Variants in ZKSCAN3 observed in about 807,000 individuals in gnomAD.
ZKSCAN3 encodes the protein zinc finger protein with KRAB and SCAN domains 3.
ZKSCAN3 carries 21 observed loss-of-function variants against 30.7 expected under a neutral mutation model. The ratio of observed to expected loss-of-function variants is 0.68; its 90% CI spans 0.49 to 0.99. The LOEUF is 0.99. ZKSCAN3 is among the 50% of genes least tolerant of loss of function. The pLI is 0.00. For synonymous variants in ZKSCAN3, 201 were observed against 246.7 expected, an observed-to-expected ratio of 0.81 and a Z score of 1.73; for missense variants, 507 against 647.1, an observed-to-expected ratio of 0.78 and a Z score of 2.35.
At chr6:28,352,699 T>A (rs770229835) in intron 1 of ZKSCAN3, among the ~76,000 whole-genome samples, 9 of 152,254 alleles carry the variant, frequency 5.9e-5, no homozygotes, top group Non-Finnish European at 1.3e-4. Flanking sequence ...AGATTAGATT[T>A]AGGCTCACTT....
chr6:28,351,144 T>A lies in ZKSCAN3; in HGVS notation c.-63+1077T>A, dbSNP rs984114958. Among the ~76,000 whole-genome samples, 1 of 152,234 alleles carries A rather than the reference T, an allele frequency of 6.6e-6. No individual in the cohort carries two copies. Among genetic ancestry groups the A allele is most frequent in the African/African-American group, 2.4e-5 (1 of 41,462 alleles). ...GAAACTTTCCTTTCCTTATCTTCAG[T>A]ATATTTACTGATTTGATAAATACTT... is the stretch of plus-strand genomic sequence containing the variant. On this transcript the variant is annotated intron_variant, in intron 1 of 5. Transcript: ENST00000252211. The surrounding 1 kb of genome is among the most constrained non-coding windows in gnomAD (Gnocchi z 4.6).
Position 28,359,864 on chromosome 6 carries a change from A to G in ZKSCAN3, c.278A>G (p.Gln93Arg). 6.2e-7 allele frequency: 1 copy of G among 1,614,076 alleles called. No homozygotes were observed. Among genetic ancestry groups the G allele is most frequent in the Non-Finnish European group, 8.5e-7 (1 of 1,179,972 alleles). Residue 93 changes from glutamine to arginine, a missense_variant, in exon 2 of 6, where the codon CAG becomes CGG. Coordinates refer to ENST00000252211, the MANE Select transcript of ZKSCAN3 (RefSeq NM_024493.4). ...EQILELLVLEQFLTILPGNLQ... is the reference protein window; with the variant it reads ...EQILELLVLERFLTILPGNLQ... ...ATCCTGGAGCTGCTGGTGCTGGAGC[A>G]GTTCCTGACCATCCTGCCGGGGAAT...
intron 3 of ZKSCAN3, among the ~76,000 whole-genome samples, chr6:28,362,623 C>T (rs1234272661): frequency 1.3e-5 from 2 of 152,098 alleles, no homozygotes; most frequent in East Asian, 3.9e-4. Flanking sequence ...AATATATATG[C>T]TTCCTGAAGT....
rs1221242588 is a variant in ZKSCAN3, at chr6:28,351,588, T to C, written c.-63+1521T>C. Among the ~76,000 whole-genome samples, 1 of 151,934 alleles carries C rather than the reference T, an allele frequency of 6.6e-6. No homozygotes were observed. The highest frequency in any genetic ancestry group is 1.9e-4 in the East Asian group (1 of 5,192). On this transcript the variant is annotated intron_variant, in intron 1 of 5. Coordinates refer to ENST00000252211, the MANE Select transcript of ZKSCAN3 (RefSeq NM_024493.4). This position sits in a 1 kb window ranked among gnomAD's most constrained non-coding sequence, Gnocchi z 4.6. ...ATCATCTTTTGGTCATTTTCTTTCA[T>C]TCTTCTTTTCCCTCCTTTCCACTCT...
chr6:28,359,485 T>C, intron 1 of ZKSCAN3, 40 bp from the exon 2 acceptor site: 1 of 1,458,944 alleles, frequency 6.9e-7, no homozygotes, highest in Non-Finnish European at 9.2e-7. Context: ...AAGGGACTAC[T>C]TGCAAGTTTA....
chr6:28,357,502 G>A (rs1765508017), intron 1 of ZKSCAN3, among the ~76,000 whole-genome samples: 1 of 152,222 alleles, frequency 6.6e-6, no homozygotes, highest in Non-Finnish European at 1.5e-5. Flanking sequence ...AAGGACAAGT[G>A]AGTTTTTGGA....
At chr6:28,363,141 G>A (rs959101726) in intron 3 of ZKSCAN3, among the ~76,000 whole-genome samples, 162 bp from the exon 4 acceptor site, 2 of 152,236 alleles carry the variant, frequency 1.3e-5, no homozygotes, top group African/African-American at 4.8e-5. Flanking sequence ...TGTTGCCCAG[G>A]CTGGAGTGCA....
chr6:28,352,253 C>T (rs1765084029), intron 1 of ZKSCAN3, among the ~76,000 whole-genome samples: 1 of 152,130 alleles, frequency 6.6e-6, no homozygotes. Context: ...ATCAGAATGA[C>T]CTAGAAAGTT....
chr6:28,366,400 C>A lies in ZKSCAN3; in HGVS notation c.*115C>A. 1.7e-6 allele frequency: 2 copies of A among 1,178,348 alleles called. No individual in the cohort carries two copies. Among genetic ancestry groups the A allele is most frequent in the Non-Finnish European group, 2.3e-6 (2 of 873,604 alleles). 73.0% of individuals were successfully genotyped at this position (1,178,348 alleles called of 1,614,324 possible). On this transcript the variant is annotated 3_prime_UTR_variant, in exon 6 of 6. Coordinates refer to ENST00000252211, the MANE Select transcript of ZKSCAN3 (RefSeq NM_024493.4). ...GGCTTTATTTACCACTACACATTAT[C>A]AGGTGTTAGAAAATGTAGACTGGGT...
At chr6:28,353,378 C>T (rs568734063) in intron 1 of ZKSCAN3, 2 of 154,942 alleles carry the variant, frequency 1.3e-5, no homozygotes, top group East Asian at 1.9e-4. Flanking sequence ...AAATCTAGTC[C>T]CAGCTGGTTC....
At chr6:28,360,073 A>G in intron 2 of ZKSCAN3, 85 bp downstream of exon 2, 3 of 1,606,966 alleles carry the variant, frequency 1.9e-6, no homozygotes, top group Non-Finnish European at 2.6e-6. Context: ...TTCCTTTAAC[A>G]TCCAGGAGTT....
At position 28,359,788 on chromosome 6, in the gene ZKSCAN3, C is replaced by G. The variant is rs1341430212; in HGVS notation, c.202C>G (p.Arg68Gly). The change falls in exon 2 of 6, where the codon CGA becomes GGA. Residue 68 changes from arginine to glycine, a missense_variant. Arg to Gly is a moderately radical substitution (Grantham distance 125). Coordinates refer to ENST00000252211, the MANE Select transcript of ZKSCAN3 (RefSeq NM_024493.4). ...AGPREALSRLRELCRQWLQPE... is the reference protein window; with the variant it reads ...AGPREALSRLGELCRQWLQPE... ...CCCCCGCGAGGCGCTGAGTCGGCTC[C>G]GAGAGCTCTGCCGACAGTGGCTGCA... is the stretch of plus-strand genomic sequence containing the variant. 2 of 1,614,090 alleles carry G rather than the reference C, an allele frequency of 1.2e-6. No individual in the cohort carries two copies. The highest frequency in any genetic ancestry group is 2.7e-5 in the African/African-American group (2 of 74,930).
intron 1 of ZKSCAN3, among the ~76,000 whole-genome samples, chr6:28,355,095 G>A (rs936360989): frequency 7.9e-5 from 12 of 152,184 alleles, no homozygotes; most frequent in East Asian, 3.9e-4. Flanking sequence ...TTGGGAATGC[G>A]GGAATGCCCT....
chr6:28,357,904 C>G (rs1765532658), intron 1 of ZKSCAN3, among the ~76,000 whole-genome samples: 2 of 152,154 alleles, frequency 1.3e-5, no homozygotes, highest in African/African-American at 4.8e-5. Flanking sequence ...GAATGTTATG[C>G]CAGTTTTTTG....
chr6:28,361,450 T>A lies in ZKSCAN3; in HGVS notation c.529T>A (p.Ser177Thr), dbSNP rs1397471498. The A allele has an allele frequency of 6.2e-7, 1 of 1,611,934 alleles. No homozygotes were observed. The highest frequency in any genetic ancestry group is 8.5e-7 in the Non-Finnish European group (1 of 1,179,408). The part of the protein sequence containing the change: ...KALLKHESVG[S>T]QPLQDRVLQV... ...TCTGCTCAAGCATGAATCTGTGGGA[T>A]CCCAGCCTTTACAAGATAGAGGTAA... Residue 177 changes from serine (S) to threonine (T), a missense_variant, in exon 3 of 6, where the codon TCC (serine) becomes ACC (threonine). Physicochemically the swap from Ser to Thr is moderately conservative, Grantham distance 58. Transcript: ENST00000252211.
At position 28,360,042 on chromosome 6, in the gene ZKSCAN3, C is replaced by T. The variant is rs770585993; in HGVS notation, c.402+54C>T. ...GCTGTGGCCTGTTTCCTCCTGAAAT[C>T]CCAGATCAGAGTGAGGGGCATTCCT... On this transcript the variant is annotated intron_variant, in intron 2 of 5. Coordinates refer to ENST00000252211, the MANE Select transcript of ZKSCAN3 (RefSeq NM_024493.4). The T allele has an allele frequency of 9.9e-6, 16 of 1,613,772 alleles. No individual in the cohort carries two copies. In the South Asian group the frequency reaches 1.8e-4, roughly 18 times the overall value.
In ZKSCAN3 at chr6:28,366,364, AT is replaced by A; in HGVS notation, c.*81del. 1 of 1,429,698 alleles carries A rather than the reference AT, an allele frequency of 7.0e-7. No homozygotes were observed. The highest frequency in any genetic ancestry group is 9.2e-7 in the Non-Finnish European group (1 of 1,085,128). 88.6% of individuals were successfully genotyped at this position (1,429,698 alleles called of 1,614,324 possible). A position where few individuals can be genotyped will look rare whatever the true frequency, so the allele number is the denominator to read the frequency against. On this transcript the variant is annotated 3_prime_UTR_variant, in exon 6 of 6. Transcript: ENST00000252211. The stretch of plus-strand genomic sequence containing the variant: ...TCCCCCTGGAGTCTCAACTATAGAA[AT>A]TGTGGGCTGGGCTTTATTTACCACT...
chr6:28,355,197 A>G (rs1401713334), intron 1 of ZKSCAN3: 1 of 152,044 alleles, frequency 6.6e-6, no homozygotes, highest in Non-Finnish European at 1.5e-5. Flanking sequence ...ACTTCCTGTA[A>G]TTGTGCTTCT....
In ZKSCAN3 at chr6:28,353,512, T is replaced by A. The variant is rs1449217343; in HGVS notation, c.-63+3445T>A. On this transcript the variant is annotated intron_variant, in intron 1 of 5. Coordinates refer to ENST00000252211, the MANE Select transcript of ZKSCAN3 (RefSeq NM_024493.4). ...AATACAGAAATCATCCATTACAAAGTGATGACTCTGACGAAACCTGATGGC... is the reference window on the plus strand; with the variant it reads ...AATACAGAAATCATCCATTACAAAGAGATGACTCTGACGAAACCTGATGGC... 1.7e-5 allele frequency: 3 copies of A among 181,434 alleles called. No individual in the cohort carries two copies. In the East Asian group the frequency reaches 4.2e-4, roughly 25 times the overall value. 11.2% of individuals were successfully genotyped at this position (181,434 alleles called of 1,614,324 possible).
Sources: allele counts gnomAD v4.1 joint callset (sites outside exome capture counted in the v4.1 genomes callset), GRCh38; gene constraint gnomAD v4.1.1; non-coding constraint Gnocchi (gnomAD v3.1); transcripts MANE v1.5; gene names NCBI Gene and HGNC (gene_info 2026-07-23, HGNC 2026-07-21).